The following HEMK2 variants were observed in gnomAD, a reference collection of about 807,000 sequenced individuals.
HEMK2 encodes the protein methyltransferase HEMK2.
the HEMK2 span, chr21:28,577,366 C>T: frequency 6.6e-6 from 1 of 152,084 alleles, no homozygotes; most frequent in East Asian, 1.9e-4. Flanking sequence ...CCTCACAGTT[C>T]CCATTCTTTT....
chr21:28,878,146 G>T, the HEMK2 span: 2 of 1,465,316 alleles, frequency 1.4e-6, no homozygotes, highest in East Asian at 2.5e-5. Context: ...ATTAACTTTT[G>T]ATTTCAGCAA....
chr21:28,767,697 T>C, the HEMK2 span, among the ~76,000 whole-genome samples: 2 of 152,110 alleles, frequency 1.3e-5, no homozygotes, highest in Non-Finnish European at 2.9e-5. Flanking sequence ...GGTCTTACTC[T>C]ATAGTCAAGT....
the HEMK2 span, among the ~76,000 whole-genome samples, chr21:28,753,356 CAAAAA>C: frequency 1.7e-5 from 2 of 117,096 alleles, no homozygotes; most frequent in African/African-American, 3.0e-5. Context: ...GACTCTGTCT[CAAAAA>C]AAAAAAAAAA....
the HEMK2 span, among the ~76,000 whole-genome samples, chr21:28,606,233 G>GAAACA: frequency 5.3e-3 from 797 of 149,974 alleles, 7 homozygotes; most frequent in Non-Finnish European, 6.5e-3. Flanking sequence ...CTAAAAATGG[G>GAAACA]AAACAAAACA....
the HEMK2 span, among the ~76,000 whole-genome samples, chr21:28,764,646 T>C: frequency 3.3e-5 from 5 of 152,262 alleles, no homozygotes; most frequent in South Asian, 1.0e-3. Context: ...TCTGATTTCC[T>C]ATCCAGTATT....
the HEMK2 span, among the ~76,000 whole-genome samples, chr21:28,703,337 G>C: frequency 2.0e-5 from 3 of 152,082 alleles, no homozygotes; most frequent in African/African-American, 7.2e-5. Context: ...AAAAAGGTGG[G>C]GGAAGGATGA....
the HEMK2 span, among the ~76,000 whole-genome samples, chr21:28,627,322 T>C: frequency 6.6e-6 from 1 of 152,222 alleles, no homozygotes; most frequent in Non-Finnish European, 1.5e-5. Flanking sequence ...CAAAACTTAC[T>C]GAACACTGAA....
chr21:28,695,733 G>A, the HEMK2 span, among the ~76,000 whole-genome samples: 1 of 144,806 alleles, frequency 6.9e-6, no homozygotes, highest in Non-Finnish European at 1.5e-5. Context: ...CAAATCTCAT[G>A]TCCTCAAATT....
chr21:28,695,014 G>A, the HEMK2 span, among the ~76,000 whole-genome samples: 4 of 143,188 alleles, frequency 2.8e-5, no homozygotes, highest in African/African-American at 1.0e-4. Context: ...AAAAAAAAAA[G>A]ATTCAACATT....
the HEMK2 span, among the ~76,000 whole-genome samples, chr21:28,590,280 C>A: frequency 6.6e-6 from 1 of 152,094 alleles, no homozygotes; most frequent in African/African-American, 2.4e-5. Flanking sequence ...GTTGAAGAAA[C>A]TGGACACCAG....
At chr21:28,827,436 G>C in the HEMK2 span, among the ~76,000 whole-genome samples, 1 of 152,152 alleles carries the variant, frequency 6.6e-6, no homozygotes, top group Non-Finnish European at 1.5e-5. Flanking sequence ...AAATGTTATT[G>C]TGATTCTAAG....
At chr21:28,826,999 A>G in the HEMK2 span, among the ~76,000 whole-genome samples, 1 of 152,276 alleles carries the variant, frequency 6.6e-6, no homozygotes, top group Admixed American at 6.5e-5. Context: ...TTCAGAGCAG[A>G]GTGGAGAAGA....
the HEMK2 span, among the ~76,000 whole-genome samples, chr21:28,640,654 G>A: frequency 2.0e-5 from 3 of 152,184 alleles, no homozygotes; most frequent in Middle Eastern, 3.2e-3. Context: ...CTACCACTGA[G>A]TACTTCTTGG....
At chr21:28,669,613 C>T in the HEMK2 span, among the ~76,000 whole-genome samples, 1 of 152,192 alleles carries the variant, frequency 6.6e-6, no homozygotes, top group African/African-American at 2.4e-5. Flanking sequence ...CTGGTAGCTG[C>T]TGCCAGTCCA....
the HEMK2 span, among the ~76,000 whole-genome samples, chr21:28,587,370 G>C: frequency 6.6e-6 from 1 of 152,046 alleles, no homozygotes; most frequent in African/African-American, 2.4e-5. Flanking sequence ...TATTTATATG[G>C]TAAATTATAA....
chr21:28,585,520 A>G, the HEMK2 span, among the ~76,000 whole-genome samples: 1 of 152,046 alleles, frequency 6.6e-6, no homozygotes, highest in East Asian at 1.9e-4. Context: ...AGATCAAAAC[A>G]AAACTACAAA....
At chr21:28,729,188 CTGT>C in the HEMK2 span, among the ~76,000 whole-genome samples, 1 of 152,186 alleles carries the variant, frequency 6.6e-6, no homozygotes, top group Admixed American at 6.5e-5. Flanking sequence ...GTGCGAAAGC[CTGT>C]TGTTCTCCTC....
chr21:28,582,597 C>G, the HEMK2 span, among the ~76,000 whole-genome samples: 3 of 152,032 alleles, frequency 2.0e-5, no homozygotes, highest in Non-Finnish European at 2.9e-5. Flanking sequence ...AGGAAGCCCT[C>G]CCAGAGGACT....
the HEMK2 span, among the ~76,000 whole-genome samples, chr21:28,684,502 T>C: frequency 6.6e-6 from 1 of 152,246 alleles, no homozygotes; most frequent in African/African-American, 2.4e-5. Flanking sequence ...ATCCATTTCC[T>C]TCTGCATAAA....
Sources: gnomAD v4.1 joint callset for allele counts (sites outside exome capture counted in the v4.1 genomes callset) on GRCh38, gnomAD v4.1.1 for gene constraint, MANE v1.5 for transcripts, NCBI Gene and HGNC (gene_info 2026-07-23, HGNC 2026-07-21) for gene names.